The following MAPK10 variants were observed in gnomAD, a reference collection of about 807,000 sequenced individuals.
MAPK10 encodes mitogen-activated protein kinase 10.
Under a neutral mutation model 59.3 loss-of-function variants are expected in MAPK10, and 25 were observed. The observed-to-expected ratio is 0.42, with a 90% CI of 0.31 to 0.59. The LOEUF is 0.59. MAPK10 is among the 20% of genes least tolerant of loss of function. MAPK10 has a pLI of 0.15. For synonymous variants in MAPK10, 190 were observed against 200.5 expected (o/e 0.95, Z 0.44); for missense variants, 351 against 568.9 (o/e 0.62, Z 3.90).
chr4:86,275,517 T>G (rs2094548678), intron 2 of MAPK10, among the ~76,000 whole-genome samples: 1 of 151,976 alleles, frequency 6.6e-6, no homozygotes, highest in South Asian at 2.1e-4. Context: ...CAGAGAAAAT[T>G]TCACCAGCCT....
intron 9 of MAPK10, among the ~76,000 whole-genome samples, chr4:86,088,794 A>C (rs372894229): frequency 4.9e-4 from 75 of 152,312 alleles, no homozygotes; most frequent in African/African-American, 1.8e-3. Context: ...ATCTGATAAA[A>C]ATTTCCATGC....
intron 3 of MAPK10, among the ~76,000 whole-genome samples, chr4:86,180,937 T>A (rs530489152): frequency 1.3e-5 from 2 of 152,014 alleles, no homozygotes; most frequent in Non-Finnish European, 1.5e-5. Context: ...TCTACAGCAC[T>A]GTAGGGTGAC....
At chr4:86,220,968 G>A (rs938142129) in intron 2 of MAPK10, among the ~76,000 whole-genome samples, 2 of 152,022 alleles carry the variant, frequency 1.3e-5, no homozygotes, top group African/African-American at 4.8e-5. Context: ...TTTATTTTCT[G>A]TATCATTTTC....
rs972789794 is a variant in MAPK10, at chr4:86,371,756, G to A, written c.-121-17112C>T. The stretch of plus-strand genomic sequence containing the variant: ...GCAGACCAAAGCAGGGTGGGGCATC[G>A]CCTCACTTGGAAGCACAAGGGGTCA... On this transcript the variant is annotated intron_variant, in intron 1 of 13. Transcript: ENST00000361569. Among the ~76,000 whole-genome samples, 12 of 152,174 alleles carry A rather than the reference G, an allele frequency of 7.9e-5. No individual in the cohort carries two copies. The South Asian group carries it at 1.0e-3, about 13-fold the overall frequency.
chr4:86,417,543 A>G (rs375987109), intron 1 of MAPK10, among the ~76,000 whole-genome samples: 186 of 152,348 alleles, frequency 1.2e-3, no homozygotes, highest in African/African-American at 4.4e-3. Context: ...ATTCAGCAGA[A>G]TTCATTTAAC....
At chr4:86,414,804 A>G (rs1271314421) in intron 1 of MAPK10, among the ~76,000 whole-genome samples, 6 of 151,990 alleles carry the variant, frequency 3.9e-5, no homozygotes, top group African/African-American at 1.5e-4. Context: ...TATTTTGGCA[A>G]TCATCCTAAC....
intron 1 of MAPK10, among the ~76,000 whole-genome samples, chr4:86,430,737 G>C (rs566407363): frequency 6.6e-6 from 1 of 151,998 alleles, no homozygotes; most frequent in Non-Finnish European, 1.5e-5. Flanking sequence ...GGCCCTGAGA[G>C]GAAAGGGGAC....
intron 11 of MAPK10, among the ~76,000 whole-genome samples, chr4:86,037,615 T>A (rs560133503): frequency 6.6e-6 from 1 of 152,330 alleles, no homozygotes; most frequent in Admixed American, 6.5e-5. Flanking sequence ...ATTTATTTTT[T>A]ACTGAATCTT....
intron 1 of MAPK10, among the ~76,000 whole-genome samples, chr4:86,571,371 G>T (rs1482287527): frequency 6.7e-6 from 1 of 148,338 alleles, no homozygotes; most frequent in Admixed American, 6.8e-5. Flanking sequence ...TCCAGTAAAA[G>T]ATAGTGAATA....
At chr4:86,090,463 A>C (rs936869778) in intron 9 of MAPK10, 1 of 152,110 alleles carries the variant, frequency 6.6e-6, no homozygotes, top group African/African-American at 2.4e-5. Context: ...TACGGCTTTG[A>C]AGGTGATAAG....
intron 3 of MAPK10, among the ~76,000 whole-genome samples, chr4:86,171,347 T>G (rs1036412318): frequency 1.3e-5 from 2 of 151,604 alleles, no homozygotes; most frequent in African/African-American, 4.8e-5. Flanking sequence ...TAAAGAAGAA[T>G]CAAAACTTTT....
chr4:86,531,303 C>T (rs1001458797), intron 1 of MAPK10, among the ~76,000 whole-genome samples: 58 of 152,168 alleles, frequency 3.8e-4, no homozygotes, highest in African/African-American at 1.1e-3. Flanking sequence ...AGGTCCCTCA[C>T]GCTGAGGATA....
At chr4:86,297,650 A>T (rs943832417) in intron 2 of MAPK10, among the ~76,000 whole-genome samples, 2 of 152,188 alleles carry the variant, frequency 1.3e-5, no homozygotes, top group Admixed American at 6.5e-5. Flanking sequence ...AAATAATTTT[A>T]CAATAAAAAT....
chr4:86,479,361 T>A (rs751127487), intron 1 of MAPK10, among the ~76,000 whole-genome samples: 1 of 152,056 alleles, frequency 6.6e-6, no homozygotes, highest in Non-Finnish European at 1.5e-5. Flanking sequence ...AATTCGGGCC[T>A]GTCCTTGGAA....
intron 2 of MAPK10, among the ~76,000 whole-genome samples, chr4:86,213,313 TAAACTC>T (rs1400829073): frequency 1.3e-5 from 2 of 151,924 alleles, no homozygotes; most frequent in African/African-American, 4.8e-5. Flanking sequence ...AAGAACATAT[TAAACTC>T]AAACCTGACA....
intron 1 of MAPK10, among the ~76,000 whole-genome samples, chr4:86,444,933 G>A (rs2149050171): frequency 6.6e-6 from 1 of 152,278 alleles, no homozygotes; most frequent in South Asian, 2.1e-4. Flanking sequence ...ATGCTGGCAA[G>A]GCTGTGGAGA....
intron 2 of MAPK10, among the ~76,000 whole-genome samples, chr4:86,229,045 T>C (rs910468615): frequency 6.6e-6 from 1 of 152,208 alleles, no homozygotes; most frequent in Non-Finnish European, 1.5e-5. Context: ...ACTTCATATA[T>C]TGAAATTTTC....
At chr4:86,259,393 G>C (rs1274335114) in intron 2 of MAPK10, among the ~76,000 whole-genome samples, 1 of 151,934 alleles carries the variant, frequency 6.6e-6, no homozygotes, top group African/African-American at 2.4e-5. Flanking sequence ...ACCTACCATA[G>C]CCTTTCACTC....
intron 2 of MAPK10, among the ~76,000 whole-genome samples, chr4:86,285,721 G>A (rs188594952): frequency 6.6e-6 from 1 of 152,070 alleles, no homozygotes; most frequent in Non-Finnish European, 1.5e-5. Flanking sequence ...TTTATTATAG[G>A]AATTGGCTCA....
Sources: allele counts gnomAD v4.1 joint callset (sites outside exome capture counted in the v4.1 genomes callset), GRCh38; gene constraint gnomAD v4.1.1; transcripts MANE v1.5; gene names NCBI Gene and HGNC (gene_info 2026-07-23, HGNC 2026-07-21).